Variants in PDE4B observed in about 807,000 individuals in gnomAD.
PDE4B encodes the protein phosphodiesterase 4B, also known as 3',5'-cyclic-AMP phosphodiesterase 4B.
A neutral mutation model predicts 82.2 loss-of-function variants in PDE4B; 20 were observed. The observed-to-expected ratio is 0.24, with a 90% confidence interval of 0.17 to 0.35. PDE4B has a LOEUF of 0.35. Among genes scored for constraint, PDE4B ranks in the 10% least tolerant of loss-of-function variants. The pLI is 1.00. For synonymous variants in PDE4B, 320 were observed against 318.9 expected (o/e 1.00, Z -0.04); for missense variants, 655 against 907.2 (o/e 0.72, Z 3.57).
chr1:66,322,096 T>C (rs1659444972), intron 7 of PDE4B, among the ~76,000 whole-genome samples: 1 of 152,060 alleles, frequency 6.6e-6, no homozygotes, highest in Non-Finnish European at 1.5e-5. Context: ...TAATAAACGG[T>C]GCTGGAAAAA....
chr1:65,816,016 T>G (rs976294234), intron 1 of PDE4B, among the ~76,000 whole-genome samples: 13 of 152,174 alleles, frequency 8.5e-5, no homozygotes, highest in African/African-American at 3.1e-4. Flanking sequence ...TTTCTCAATT[T>G]TCTCTTTTCC....
At chr1:66,185,577 TTC>T (rs1156827825) in intron 3 of PDE4B, among the ~76,000 whole-genome samples, 1 of 152,140 alleles carries the variant, frequency 6.6e-6, no homozygotes, top group East Asian at 1.9e-4. Context: ...TGATTTGCAT[TTC>T]TCTGATGGCC....
intron 1 of PDE4B, among the ~76,000 whole-genome samples, chr1:65,885,502 A>C (rs1050296484): frequency 1.3e-5 from 2 of 152,194 alleles, no homozygotes; most frequent in Non-Finnish European, 2.9e-5. Flanking sequence ...AAAATGTGGC[A>C]CATATACACC....
chr1:66,243,133 T>G (rs1370270507), intron 3 of PDE4B, among the ~76,000 whole-genome samples: 1 of 152,250 alleles, frequency 6.6e-6, no homozygotes, highest in East Asian at 1.9e-4. Context: ...ATAGCAGTGC[T>G]TTCTAAAAAA....
rs188389903 is a variant in PDE4B, at chr1:66,204,739, C to T, written c.282-42721C>T. ...GGGAGTGACCCGATTTTCCAGGTGC[C>T]ATCTGTCAACCTTTTCTTTGACTAG... is the stretch of plus-strand genomic sequence containing the variant. On this transcript the variant is annotated intron_variant, in intron 3 of 16. Transcript: ENST00000341517. 6.7e-3 allele frequency among the ~76,000 whole-genome samples: 1,027 copies of T among 152,292 alleles called. 9 individuals are homozygous for T. The highest frequency in any genetic ancestry group is 0.01 in the Non-Finnish European group (686 of 68,022).
intron 3 of PDE4B, among the ~76,000 whole-genome samples, chr1:66,124,634 A>G (rs1645782580): frequency 6.6e-6 from 1 of 152,164 alleles, no homozygotes; most frequent in South Asian, 2.1e-4. Context: ...TATTTTGCCT[A>G]TAATATTTCA....
chr1:66,251,559 G>T (rs1036548669), intron 4 of PDE4B, among the ~76,000 whole-genome samples: 19 of 152,144 alleles, frequency 1.2e-4, no homozygotes, highest in Admixed American at 9.8e-4. Flanking sequence ...GGAAACATTA[G>T]AAGTCAATAG....
chr1:65,917,908 A>G (rs1004056682), intron 2 of PDE4B, among the ~76,000 whole-genome samples: 22 of 152,356 alleles, frequency 1.4e-4, no homozygotes, highest in Admixed American at 9.1e-4. Context: ...TCATGCCTGT[A>G]ATCCCAGCAC....
intron 3 of PDE4B, among the ~76,000 whole-genome samples, chr1:65,998,372 CCAATAT>C (rs1402692765): frequency 2.0e-5 from 3 of 148,924 alleles, no homozygotes; most frequent in African/African-American, 5.0e-5. Context: ...GCTAGGGCTT[CCAATAT>C]CATGAACAAG....
chr1:66,173,077 C>T (rs1020615214), intron 3 of PDE4B, among the ~76,000 whole-genome samples: 8 of 152,068 alleles, frequency 5.3e-5, no homozygotes, highest in Non-Finnish European at 8.8e-5. Context: ...ATGGATACAC[C>T]TGTATCAGAT....
At chr1:66,285,653 T>C (rs1161606515) in intron 7 of PDE4B, among the ~76,000 whole-genome samples, 2 of 152,238 alleles carry the variant, frequency 1.3e-5, no homozygotes, top group African/African-American at 2.4e-5. Context: ...GTTCCACTCA[T>C]GTTGCTGTGA....
At chr1:66,165,692 C>T (rs1646715528) in intron 3 of PDE4B, among the ~76,000 whole-genome samples, 1 of 151,866 alleles carries the variant, frequency 6.6e-6, no homozygotes, top group East Asian at 1.9e-4. Context: ...CAAGGCAGTG[C>T]AAGACTTTTA....
At position 66,121,160 on chromosome 1, in the gene PDE4B, G is replaced by A. The variant is rs77225475; in HGVS notation, c.282-126300G>A. On this transcript the variant is annotated intron_variant, in intron 3 of 16. Transcript: ENST00000341517. ...GGAAGTAAGATATGGAGTCAGGCAG[G>A]TAAAGGATCAAGAAGAAAGTGAAAA... 1.8e-3 allele frequency among the ~76,000 whole-genome samples: 272 copies of A among 152,260 alleles called. 3 individuals carry two copies. Among genetic ancestry groups the A allele is most frequent in the East Asian group, 0.01 (54 of 5,180 alleles).
chr1:65,865,006 G>C (rs1269813210), intron 1 of PDE4B, among the ~76,000 whole-genome samples: 1 of 152,174 alleles, frequency 6.6e-6, no homozygotes, highest in East Asian at 1.9e-4. Context: ...CAGGAGCCAT[G>C]TCCCAGGGAG....
chr1:66,265,573 C>G (rs1057248906), intron 6 of PDE4B, among the ~76,000 whole-genome samples: 1 of 152,256 alleles, frequency 6.6e-6, no homozygotes, highest in South Asian at 2.1e-4. Flanking sequence ...AGTGACTTCA[C>G]CTCTCTAGGT....
chr1:65,975,728 G>A (rs1650369812), intron 3 of PDE4B, among the ~76,000 whole-genome samples: 1 of 152,190 alleles, frequency 6.6e-6, no homozygotes, highest in Non-Finnish European at 1.5e-5. Context: ...TGGCTAAAAG[G>A]AGCCAGGGTA....
chr1:66,349,162 T>C (rs1373431504), intron 8 of PDE4B, among the ~76,000 whole-genome samples: 1 of 152,176 alleles, frequency 6.6e-6, no homozygotes, highest in Non-Finnish European at 1.5e-5. Context: ...TTGTTTGATC[T>C]TTTGATATTT....
chr1:66,063,323 GT>G (rs2100903037), intron 3 of PDE4B, among the ~76,000 whole-genome samples: 1 of 152,066 alleles, frequency 6.6e-6, no homozygotes, highest in East Asian at 1.9e-4. Flanking sequence ...GAATTGAAGA[GT>G]AAAAAATAAT....
intron 3 of PDE4B, among the ~76,000 whole-genome samples, chr1:66,134,125 G>A (rs640352): frequency 0.28 from 42,087 of 151,890 alleles, 6,883 homozygotes; most frequent in Middle Eastern, 0.43. Context: ...AGATGAATAT[G>A]TTGAAACCAA....
Sources: allele counts gnomAD v4.1 joint callset (sites outside exome capture counted in the v4.1 genomes callset), GRCh38; gene constraint gnomAD v4.1.1; transcripts MANE v1.5; gene names NCBI Gene and HGNC (gene_info 2026-07-23, HGNC 2026-07-21).